Variants in CRYBG2 observed in about 807,000 individuals in gnomAD.
CRYBG2 encodes beta/gamma crystallin domain-containing protein 2.
A neutral mutation model predicts 153.4 loss-of-function variants in CRYBG2; 106 were observed. The ratio of observed to expected loss-of-function variants is 0.69; its 90% confidence interval spans 0.59 to 0.81. The LOEUF is 0.81. Ranked by LOEUF, CRYBG2 falls within the 30% of genes least tolerant of loss-of-function variation. The probability of loss-of-function intolerance (pLI) is 0.00; values close to 1 mark genes in which losing one functional copy is unlikely to be tolerated. For missense variants in CRYBG2, 1,996 were observed against 2,112.0 expected (o/e 0.95, Z 1.08); for synonymous variants, 851 against 877.8 (o/e 0.97, Z 0.54).
At chr1:26,331,452 C>A in intron 15 of CRYBG2, 37 bp downstream of exon 15, 1 of 1,595,860 alleles carries the variant, frequency 6.3e-7, no homozygotes, top group Non-Finnish European at 8.6e-7. Context: ...GCAACTTCTG[C>A]TTCCGGGATT....
Position 26,346,572 on chromosome 1 carries a change from T to C in CRYBG2, c.86A>G (p.Gln29Arg). The change falls in exon 2 of 20, where the codon CAG (glutamine) becomes CGG (arginine). Residue 29 changes from glutamine (Q) to arginine (R), a missense_variant. By Grantham distance (43) the Gln-to-Arg change is conservative. Transcript: ENST00000308182. This position sits in a 1 kb window ranked among gnomAD's most constrained non-coding sequence, Gnocchi z 4.9. ...GTGAAAACCATGTTTGATCTCTTCC[T>C]GGGTGGGGGGCCGCTGCCGCCATGT... ...TLTWRQRPPTQEEIKHGFHKV... is the reference protein window; with the variant it reads ...TLTWRQRPPTREEIKHGFHKV... The C allele has an allele frequency of 6.2e-7, 1 of 1,604,862 alleles. No individual in the cohort carries two copies. Among genetic ancestry groups the C allele is most frequent in the Non-Finnish European group, 8.5e-7 (1 of 1,175,924 alleles).
intron 5 of CRYBG2, 124 bp downstream of exon 5, chr1:26,342,630 C>T: frequency 7.0e-7 from 1 of 1,431,734 alleles, no homozygotes; most frequent in South Asian, 1.3e-5. Context: ...AACTCCTGTC[C>T]TCAGCCGATC....
Position 26,336,599 on chromosome 1 carries a change from C to T in CRYBG2, c.4038+7G>A, listed in dbSNP as rs772085913. ...GGGAGGCCCCGCCCCCCGCGGCCGG[C>T]ACGCACCTGTAGGACCGGCTGCAGC... On this transcript the variant is annotated splice_region_variant and intron_variant, in intron 12 of 19. Transcript: ENST00000308182. The surrounding 1 kb of genome is among the most constrained non-coding windows in gnomAD (Gnocchi z 4.9). 3 of 1,547,610 alleles carry T rather than the reference C, an allele frequency of 1.9e-6. No individual in the cohort carries two copies. The highest frequency in any genetic ancestry group is 2.6e-6 in the Non-Finnish European group (3 of 1,145,626).
rs1175174764 is a variant in CRYBG2 at position 26,336,320 on chromosome 1, G to T, written c.4071+18C>A. 6.2e-7 allele frequency: 1 copy of T among 1,613,042 alleles called. No individual in the cohort carries two copies. The highest frequency in any genetic ancestry group is 1.3e-5 in the African/African-American group (1 of 74,894). ...AGAGACGTGAGCCCAGCGGCTCCCTGCGGAGTCCCTGCCTTACCTTTGAGA... is the reference window on the plus strand; with the variant it reads ...AGAGACGTGAGCCCAGCGGCTCCCTTCGGAGTCCCTGCCTTACCTTTGAGA... On this transcript the variant is annotated intron_variant, in intron 13 of 19. Coordinates refer to ENST00000308182, the MANE Select transcript of CRYBG2 (RefSeq NM_001039775.4). This position sits in a 1 kb window ranked among gnomAD's most constrained non-coding sequence, Gnocchi z 4.9.
At position 26,346,231 on chromosome 1, in the gene CRYBG2, G is replaced by T. The variant is rs567016364; in HGVS notation, c.427C>A (p.Leu143Ile). ...PCVGAMARTE[L>I]LVPLPGPREP... ...CGGGGCCCAGGCAGGGGAACCAAAA[G>T]CTCAGTCCTGGCCATAGCTCCCACA... The change falls in exon 2 of 20, where the codon CTT (leucine) becomes ATT (isoleucine). Residue 143 changes from leucine (L) to isoleucine (I), a missense_variant. Leu to Ile is a conservative substitution (Grantham distance 5). Transcript: ENST00000308182. The surrounding 1 kb of genome is among the most constrained non-coding windows in gnomAD (Gnocchi z 4.9). 1 of 1,575,932 alleles carries T rather than the reference G, an allele frequency of 6.3e-7. No homozygotes were observed. Among genetic ancestry groups the T allele is most frequent in the East Asian group, 2.2e-5 (1 of 44,566 alleles).
In CRYBG2 at chr1:26,333,558, C is replaced by T. The variant is rs528399999; in HGVS notation, c.4185-1940G>A. 3.0e-4 allele frequency among the ~76,000 whole-genome samples: 45 copies of T among 150,952 alleles called. No individual in the cohort carries two copies. In the East Asian group the frequency reaches 8.8e-3, roughly 29 times the overall value. On this transcript the variant is annotated intron_variant, in intron 14 of 19. Coordinates refer to ENST00000308182, the MANE Select transcript of CRYBG2 (RefSeq NM_001039775.4). ...TCCAGCCTAGGCAACAAGAGTGAAA[C>T]TCCACCTCAAAAAAAAAAAAAGAAG...
chr1:26,337,158 G>A, intron 10 of CRYBG2, 95 bp downstream of exon 10: 1 of 1,574,482 alleles, frequency 6.4e-7, no homozygotes, highest in South Asian at 1.2e-5. Flanking sequence ...GGGAGAACAC[G>A]GAGAGGGGGT....
At position 26,336,849 on chromosome 1, in the gene CRYBG2, G is replaced by C; in HGVS notation, c.3903C>G (p.Leu1301=). The C allele has an allele frequency of 6.3e-7, 1 of 1,597,206 alleles. No individual in the cohort carries two copies. Among genetic ancestry groups the C allele is most frequent in the Non-Finnish European group, 8.5e-7 (1 of 1,172,884 alleles). Residue 1301 remains leucine, a synonymous_variant, in exon 11 of 20, where the codon CTC becomes CTG. Coordinates refer to ENST00000308182, the MANE Select transcript of CRYBG2 (RefSeq NM_001039775.4). This position sits in a 1 kb window ranked among gnomAD's most constrained non-coding sequence, Gnocchi z 4.9. The part of the protein sequence containing the change: ...HGPSTQAIHV[L]SGVWVAYQEV... ...GAGCCCGGGTCACTTACACGCCGCT[G>C]AGCACGTGGATGGCCTGTGTGCTGG...
intron 1 of CRYBG2, among the ~76,000 whole-genome samples, chr1:26,350,199 G>A (rs1332703998): frequency 6.6e-6 from 1 of 152,096 alleles, no homozygotes; most frequent in Non-Finnish European, 1.5e-5. Context: ...AGCCCCCTCG[G>A]GACTCTGCAG....
intron 17 of CRYBG2, among the ~76,000 whole-genome samples, chr1:26,327,731 G>A (rs1228068406): frequency 1.3e-4 from 19 of 151,858 alleles, no homozygotes; most frequent in Admixed American, 1.2e-3. Context: ...TGGATCACTT[G>A]AGGTCAGGAA....
chr1:26,346,180 C>A lies in CRYBG2; in HGVS notation c.478G>T (p.Gly160Cys), dbSNP rs762762232. ...CTCCGGGAGCTACCACTGGTGAGACCTACACCTGGGTGGGGACTTGGCTCT... is the reference window on the plus strand; with the variant it reads ...CTCCGGGAGCTACCACTGGTGAGACATACACCTGGGTGGGGACTTGGCTCT... ...PREPSPHPGV[G>C]LTSGSSRSLE... Residue 160 changes from glycine to cysteine, a missense_variant, in exon 2 of 20, where the codon GGT becomes TGT. Gly to Cys is a radical substitution (Grantham distance 159). Transcript: ENST00000308182. This position sits in a 1 kb window ranked among gnomAD's most constrained non-coding sequence, Gnocchi z 4.9. 4 of 1,570,202 alleles carry A rather than the reference C, an allele frequency of 2.5e-6. No individual in the cohort carries two copies. In the South Asian group the frequency reaches 4.7e-5, roughly 18 times the overall value.
intron 1 of CRYBG2, among the ~76,000 whole-genome samples, chr1:26,353,686 C>T (rs534511826): frequency 7.9e-5 from 12 of 152,282 alleles, no homozygotes; most frequent in African/African-American, 2.9e-4. Flanking sequence ...TCAGGACACC[C>T]AGCACCTAGG....
chr1:26,341,350 TA>T, intron 5 of CRYBG2, among the ~76,000 whole-genome samples: 1 of 151,396 alleles, frequency 6.6e-6, no homozygotes, highest in South Asian at 2.1e-4. Context: ...CAAAAAAAAA[TA>T]AAAAAATCAA....
At chr1:26,333,769 T>C (rs1037414001) in intron 14 of CRYBG2, among the ~76,000 whole-genome samples, 1 of 152,176 alleles carries the variant, frequency 6.6e-6, no homozygotes, top group Non-Finnish European at 1.5e-5. Context: ...ACACAGACTA[T>C]GGTATTTTGT....
rs2073967107 is a variant in CRYBG2 at position 26,329,017 on chromosome 1, T to C, written c.4315-144A>G. 3.0e-6 allele frequency: 3 copies of C among 990,734 alleles called. No homozygotes were observed. The East Asian group carries it at 8.1e-5, about 27-fold the overall frequency. 61.4% of individuals were successfully genotyped at this position (990,734 alleles called of 1,614,324 possible). Reference sequence around the variant, plus strand: ...CTCAGTTCTGCAGGGCCACTGATTCTTGGACGCTGCCAGCCGAGTGCTCCT... The same window carrying C: ...CTCAGTTCTGCAGGGCCACTGATTCCTGGACGCTGCCAGCCGAGTGCTCCT... On this transcript the variant is annotated intron_variant, in intron 15 of 19. Coordinates refer to ENST00000308182, the MANE Select transcript of CRYBG2 (RefSeq NM_001039775.4).
chr1:26,322,338 G>T lies in CRYBG2; in HGVS notation c.4738-15C>A. 6.2e-7 allele frequency: 1 copy of T among 1,604,730 alleles called. No individual in the cohort carries two copies. On this transcript the variant is annotated splice_polypyrimidine_tract_variant and intron_variant, in intron 18 of 19. Coordinates refer to ENST00000308182, the MANE Select transcript of CRYBG2 (RefSeq NM_001039775.4). ...GTGGGGGCCATCTGAGGCCCCAGGA[G>T]GTCATCAGGCATTGTTCCTCCCCAC...
In CRYBG2 at chr1:26,331,592, A is replaced by G; in HGVS notation, c.4211T>C (p.Phe1404Ser). Residue 1404 changes from phenylalanine to serine, a missense_variant, in exon 15 of 20, where the codon TTC (phenylalanine) becomes TCC (serine). Physicochemically the swap from Phe to Ser is radical, Grantham distance 155. Coordinates refer to ENST00000308182, the MANE Select transcript of CRYBG2 (RefSeq NM_001039775.4). ...AGAGAGAATGTGCTGGTCACCCTCG[A>G]AGTTCGTCTCATCAAACAGGATCCA... The part of the protein sequence containing the change: ...GSWILFDETN[F>S]EGDQHILSEG... 1 of 1,614,062 alleles carries G rather than the reference A, an allele frequency of 6.2e-7. No homozygotes were observed. The highest frequency in any genetic ancestry group is 8.5e-7 in the Non-Finnish European group (1 of 1,180,006).
rs745762898 is a variant in CRYBG2, at chr1:26,345,602, G to C, written c.1056C>G (p.Pro352=). The change falls in exon 2 of 20, where the codon CCC becomes CCG. Residue 352 remains proline (P), a synonymous_variant. Transcript: ENST00000308182. ...LQTSQGQASV[P]SSPRLETHVP... ...CATGGGTCTCGAGTCTGGGAGAGGA[G>C]GGGACTGATGCTTGACCCTGAGAAG... 6.2e-7 allele frequency: 1 copy of C among 1,600,666 alleles called. No homozygotes were observed. Among genetic ancestry groups the C allele is most frequent in the Non-Finnish European group, 8.5e-7 (1 of 1,179,762 alleles).
At position 26,338,392 on chromosome 1, in the gene CRYBG2, T is replaced by G. The variant is rs149685890; in HGVS notation, c.3430A>C (p.Thr1144Pro). ...AGGGAGCCCACGCTGGGGTCCGATG[T>G]GCCCCAGGCCTCTGAGGTGGGGTAC... ...GEYPTSEAWGTSDPSVGSLKP... is the reference protein window; with the variant it reads ...GEYPTSEAWGPSDPSVGSLKP... The change falls in exon 7 of 20, where the codon ACA becomes CCA. Residue 1144 changes from threonine to proline, a missense_variant. Coordinates refer to ENST00000308182, the MANE Select transcript of CRYBG2 (RefSeq NM_001039775.4). The G allele has an allele frequency of 1.9e-6, 3 of 1,612,846 alleles. No homozygotes were observed. Among genetic ancestry groups the G allele is most frequent in the Non-Finnish European group, 2.5e-6 (3 of 1,179,582 alleles).
Sources: allele counts gnomAD v4.1 joint callset (sites outside exome capture counted in the v4.1 genomes callset), GRCh38; gene constraint gnomAD v4.1.1; non-coding constraint Gnocchi (gnomAD v3.1); transcripts MANE v1.5; gene names NCBI Gene and HGNC (gene_info 2026-07-23, HGNC 2026-07-21).